ABCC3: variants seen among roughly 807,000 people sequenced by gnomAD.
The protein encoded by ABCC3 is ATP-binding cassette sub-family C member 3.
Under a neutral mutation model 165.3 loss-of-function variants are expected in ABCC3, and 121 were observed. The ratio of observed to expected loss-of-function variants is 0.73; its 90% CI spans 0.63 to 0.85. ABCC3 has a LOEUF of 0.85. ABCC3 is among the 40% of genes least tolerant of loss of function. The pLI is 0.00. For missense variants in ABCC3, 1,869 were observed against 1,964.1 expected, an observed-to-expected ratio of 0.95 and a Z score of 0.92; for synonymous variants, 733 against 810.1, an observed-to-expected ratio of 0.90 and a Z score of 1.62.
intron 1 of ABCC3, among the ~76,000 whole-genome samples, chr17:50,647,883 A>G (rs1015205162): frequency 5.9e-5 from 9 of 152,166 alleles, no homozygotes; most frequent in African/African-American, 2.2e-4. Context: ...TACTAAAAAT[A>G]CAAAAATTGG....
At chr17:50,662,770 A>C (rs569411845) in intron 8 of ABCC3, among the ~76,000 whole-genome samples, 8 of 152,276 alleles carry the variant, frequency 5.3e-5, no homozygotes, top group African/African-American at 1.9e-4. Flanking sequence ...GGAGCTGAAC[A>C]TATCTTTCTG....
At position 50,684,733 on chromosome 17, in the gene ABCC3, C is replaced by T; in HGVS notation, c.4138C>T (p.Leu1380=). The T allele has an allele frequency of 6.2e-7, 1 of 1,614,110 alleles. No individual in the cohort carries two copies. The highest frequency in any genetic ancestry group is 1.1e-5 in the South Asian group (1 of 91,060). Residue 1380 remains leucine, a synonymous_variant, in exon 29 of 31, where the codon CTG becomes TTG. Coordinates refer to ENST00000285238, the MANE Select transcript of ABCC3 (RefSeq NM_003786.4). ...GGACCCCATCCTGTTCTCGGGGACCCTGCGCATGAACCTGGACCCCTTCGG... is the reference window on the plus strand; with the variant it reads ...GGACCCCATCCTGTTCTCGGGGACCTTGCGCATGAACCTGGACCCCTTCGG... ...PQDPILFSGT[L]RMNLDPFGSY...
chr17:50,659,452 C>T lies in ABCC3; in HGVS notation c.806+84C>T, dbSNP rs895134720. The T allele has an allele frequency of 1.4e-5, 21 of 1,481,456 alleles. No homozygotes were observed. In the South Asian group the frequency reaches 1.6e-4, roughly 11 times the overall value. 91.8% of individuals were successfully genotyped at this position (1,481,456 alleles called of 1,614,324 possible). A position where few individuals can be genotyped will look rare whatever the true frequency, so the allele number is the denominator to read the frequency against. ...GAGGACGCTGGTAGACCTTGGAGGGCGGCATTGCTGGGGTGGCAAGCAGAG... is the reference window on the plus strand; with the variant it reads ...GAGGACGCTGGTAGACCTTGGAGGGTGGCATTGCTGGGGTGGCAAGCAGAG... On this transcript the variant is annotated intron_variant, in intron 7 of 30. Coordinates refer to ENST00000285238, the MANE Select transcript of ABCC3 (RefSeq NM_003786.4).
chr17:50,638,007 G>A (rs1449131442), intron 1 of ABCC3, among the ~76,000 whole-genome samples: 1 of 152,222 alleles, frequency 6.6e-6, no homozygotes, highest in Non-Finnish European at 1.5e-5. Flanking sequence ...CCACCTGCCA[G>A]GTGAATGATT....
chr17:50,660,695 G>T (rs1163778003), intron 7 of ABCC3, among the ~76,000 whole-genome samples: 1 of 152,164 alleles, frequency 6.6e-6, no homozygotes, highest in East Asian at 1.9e-4. Context: ...GGATAGCTGG[G>T]TTTTAGAGTC....
intron 1 of ABCC3, among the ~76,000 whole-genome samples, chr17:50,648,902 G>T (rs1967056218): frequency 6.6e-6 from 1 of 151,856 alleles, no homozygotes; most frequent in African/African-American, 2.4e-5. Context: ...ATCACTTGAA[G>T]TCAGGAGTTC....
chr17:50,662,813 G>A (rs558042505), intron 8 of ABCC3, among the ~76,000 whole-genome samples: 1 of 152,238 alleles, frequency 6.6e-6, no homozygotes, highest in South Asian at 2.1e-4. Flanking sequence ...CAGAAGGGGA[G>A]GCCTGGCTAT....
rs188900309 is a variant in ABCC3 at position 50,675,788 on chromosome 17, G to T, written c.2859+13G>T. On this transcript the variant is annotated intron_variant, in intron 21 of 30. Coordinates refer to ENST00000285238, the MANE Select transcript of ABCC3 (RefSeq NM_003786.4). ...AGCCATTGGCACTGTGAGTCGGTGG[G>T]GCAAGAGGGGCTGGAGGGGATGGAC... is the stretch of plus-strand genomic sequence containing the variant. 9.5e-4 allele frequency: 1,504 copies of T among 1,578,392 alleles called. 11 individuals carry two copies. Among genetic ancestry groups the T allele is most frequent in the Non-Finnish European group, 1.7e-4 (201 of 1,161,568 alleles).
At chr17:50,657,278 TC>T (rs900995360) in intron 4 of ABCC3, 95 bp downstream of exon 4, 56 of 1,481,000 alleles carry the variant, frequency 3.8e-5, no homozygotes, top group Middle Eastern at 1.8e-4. Context: ...GGTCCCTCCC[TC>T]GAGGCTTCAA....
chr17:50,639,288 GC>G (rs1229184691), intron 1 of ABCC3, among the ~76,000 whole-genome samples: 1 of 152,164 alleles, frequency 6.6e-6, no homozygotes, highest in Non-Finnish European at 1.5e-5. Flanking sequence ...TCTGGCTACG[GC>G]ATTTCATTGC....
At chr17:50,649,623 G>A (rs966891165) in intron 1 of ABCC3, among the ~76,000 whole-genome samples, 11 of 149,466 alleles carry the variant, frequency 7.4e-5, no homozygotes, top group Non-Finnish European at 1.5e-4. Context: ...GAGAGATGAG[G>A]GGTGGGGAGG....
chr17:50,643,806 G>T, intron 1 of ABCC3: 1 of 363,756 alleles, frequency 2.7e-6, no homozygotes, highest in South Asian at 2.0e-5. Context: ...TTGGCTGTGG[G>T]GGAAGGGAGC....
In ABCC3 at chr17:50,658,456, G is replaced by T. The variant is rs145577303; in HGVS notation, c.634G>T (p.Ala212Ser). ...CTAGAACCCCTACCCTGAGACCAGC[G>T]CTGGCTTTCTCTCCCGCCTGTTTTT... ...VDPNPYPETS[A>S]GFLSRLFFWW... is the part of the protein sequence containing the mutation. Residue 212 changes from alanine (A) to serine (S), a missense_variant, in exon 6 of 31, where the codon GCT becomes TCT. By Grantham distance (99) the Ala-to-Ser change is moderately conservative (BLOSUM62 1). Coordinates refer to ENST00000285238, the MANE Select transcript of ABCC3 (RefSeq NM_003786.4). 8 of 1,614,022 alleles carry T rather than the reference G, an allele frequency of 5.0e-6. No individual in the cohort carries two copies. The African/African-American group carries it at 9.3e-5, about 19-fold the overall frequency.
rs2054164900 is a variant in ABCC3, at chr17:50,634,989, G to A, written c.45+8G>A. On this transcript the variant is annotated splice_region_variant and intron_variant, in intron 1 of 30. Coordinates refer to ENST00000285238, the MANE Select transcript of ABCC3 (RefSeq NM_003786.4). The stretch of plus-strand genomic sequence containing the variant: ...CTCGGCTCCAAGTTCTGGGTAAGGC[G>A]CGGGGCTCCGGGGTCACTGCGCGGG... 2 of 1,258,088 alleles carry A rather than the reference G, an allele frequency of 1.6e-6. No homozygotes were observed. The highest frequency in any genetic ancestry group is 2.0e-6 in the Non-Finnish European group (2 of 999,452). 77.9% of individuals were successfully genotyped at this position (1,258,088 alleles called of 1,614,324 possible).
At chr17:50,675,240 C>T in intron 19 of ABCC3, 122 bp from the exon 20 acceptor site, 1 of 603,832 alleles carries the variant, frequency 1.7e-6, no homozygotes, top group Non-Finnish European at 2.8e-6. Flanking sequence ...CTTTCAATCC[C>T]CCTCATTTTA....
chr17:50,647,023 T>C (rs1411568001), intron 1 of ABCC3, among the ~76,000 whole-genome samples: 1 of 152,166 alleles, frequency 6.6e-6, no homozygotes, highest in Non-Finnish European at 1.5e-5. Flanking sequence ...GGATTACAGG[T>C]GCCTGCCACC....
intron 7 of ABCC3, among the ~76,000 whole-genome samples, chr17:50,659,818 CT>C (rs893628022): frequency 1.3e-5 from 2 of 151,992 alleles, no homozygotes; most frequent in African/African-American, 4.8e-5. Flanking sequence ...GACCTTGTCT[CT>C]ACAAAAAATA....
intron 14 of ABCC3, 84 bp downstream of exon 14, chr17:50,668,601 C>A: frequency 8.7e-7 from 1 of 1,145,160 alleles, no homozygotes; most frequent in South Asian, 1.4e-5. Context: ...TTGTTCTCTC[C>A]TGACCCCTTT....
Position 50,679,774 on chromosome 17 carries a change from G to T in ABCC3, c.3706-24G>T, listed in dbSNP as rs200038284. On this transcript the variant is annotated intron_variant, in intron 25 of 30. Transcript: ENST00000285238. ...CGGTGGGGAGGGGAGATCGCCATAC[G>T]TATAACCCAGTCCCTTTGGCCAGGT... The T allele has an allele frequency of 1.9e-6, 3 of 1,606,580 alleles. No homozygotes were observed. In the South Asian group the frequency reaches 3.3e-5, roughly 18 times the overall value.
Sources: gnomAD v4.1 joint callset for allele counts (sites outside exome capture counted in the v4.1 genomes callset) on GRCh38, gnomAD v4.1.1 for gene constraint, MANE v1.5 for transcripts, NCBI Gene and HGNC (gene_info 2026-07-23, HGNC 2026-07-21) for gene names.